Variants in ZNF385B observed in about 807,000 individuals in gnomAD.
ZNF385B encodes zinc finger protein 533.
A neutral mutation model predicts 39.2 loss-of-function variants in ZNF385B; 23 were observed. That is an observed-to-expected ratio of 0.59 (90% CI 0.42 to 0.83). The LOEUF is 0.83. Among genes scored for constraint, ZNF385B ranks in the 40% least tolerant of loss-of-function variants. ZNF385B has a pLI of 0.00. For missense variants in ZNF385B, 552 were observed against 598.9 expected (o/e 0.92, Z 0.82); for synonymous variants, 205 against 222.6 (o/e 0.92, Z 0.70).
At chr2:179,743,908 A>C (rs901815945) in intron 3 of ZNF385B, among the ~76,000 whole-genome samples, 3 of 152,066 alleles carry the variant, frequency 2.0e-5, no homozygotes, top group Non-Finnish European at 4.4e-5. Context: ...TCATTATTTA[A>C]CTCGCCGTAC....
At chr2:179,606,582 T>A (rs990103385) in intron 3 of ZNF385B, among the ~76,000 whole-genome samples, 1 of 152,158 alleles carries the variant, frequency 6.6e-6, no homozygotes, top group African/African-American at 2.4e-5. Context: ...TTACTATCTA[T>A]GAACATGCAC....
intron 3 of ZNF385B, among the ~76,000 whole-genome samples, chr2:179,634,683 C>T (rs1218794085): frequency 1.3e-5 from 2 of 152,080 alleles, no homozygotes; most frequent in African/African-American, 2.4e-5. Flanking sequence ...TACCATTTGA[C>T]CCAGCAATCC....
At chr2:179,510,494 A>G (rs900652259) in intron 5 of ZNF385B, among the ~76,000 whole-genome samples, 1 of 152,166 alleles carries the variant, frequency 6.6e-6, no homozygotes, top group Non-Finnish European at 1.5e-5. Flanking sequence ...CCATTAGGGT[A>G]AACTACCATC....
At chr2:179,472,080 G>A (rs1199116150) in intron 6 of ZNF385B, among the ~76,000 whole-genome samples, 1 of 152,134 alleles carries the variant, frequency 6.6e-6, no homozygotes, top group African/African-American at 2.4e-5. Flanking sequence ...TCCGGGAAGA[G>A]GAATTAACTG....
chr2:179,568,494 G>A (rs1254840115), intron 3 of ZNF385B, among the ~76,000 whole-genome samples: 1 of 152,184 alleles, frequency 6.6e-6, no homozygotes, highest in Non-Finnish European at 1.5e-5. Context: ...ATTTTCAAAT[G>A]TGAAAATACA....
intron 3 of ZNF385B, among the ~76,000 whole-genome samples, chr2:179,603,119 A>G (rs1382223172): frequency 6.6e-6 from 1 of 152,218 alleles, no homozygotes; most frequent in Admixed American, 6.5e-5. Context: ...CAGGACAGAA[A>G]AGAGGAGGAA....
chr2:179,573,312 A>G (rs554962548), intron 3 of ZNF385B, among the ~76,000 whole-genome samples: 2 of 152,254 alleles, frequency 1.3e-5, no homozygotes, highest in South Asian at 4.1e-4. Context: ...TGGAAGAAAA[A>G]TTTTAAGCAA....
intron 6 of ZNF385B, among the ~76,000 whole-genome samples, chr2:179,474,088 A>G (rs2053141255): frequency 6.6e-6 from 1 of 151,340 alleles, no homozygotes; most frequent in Admixed American, 6.6e-5. Flanking sequence ...GCTTTATATA[A>G]GGCCTCTCAC....
At chr2:179,815,153 G>A (rs1392047624) in intron 1 of ZNF385B, among the ~76,000 whole-genome samples, 1 of 152,156 alleles carries the variant, frequency 6.6e-6, no homozygotes, top group African/African-American at 2.4e-5. Context: ...AATAGAGAGA[G>A]GAAGAGGACA....
intron 1 of ZNF385B, among the ~76,000 whole-genome samples, chr2:179,797,876 C>T (rs534567941): frequency 9.2e-5 from 14 of 152,166 alleles, no homozygotes; most frequent in East Asian, 5.8e-4. Flanking sequence ...TGTTATTGTG[C>T]GATAGTAATA....
chr2:179,692,382 C>T (rs1698422204), intron 3 of ZNF385B, among the ~76,000 whole-genome samples: 1 of 152,200 alleles, frequency 6.6e-6, no homozygotes, highest in Non-Finnish European at 1.5e-5. Context: ...GATCTTGTCA[C>T]CACATGTATC....
At chr2:179,755,923 C>T (rs969803009) in intron 3 of ZNF385B, among the ~76,000 whole-genome samples, 5 of 152,102 alleles carry the variant, frequency 3.3e-5, no homozygotes, top group Admixed American at 3.3e-4. Context: ...GAGCATTTAG[C>T]CCATTTACAT....
chr2:179,713,390 C>T (rs1482870468), intron 3 of ZNF385B, among the ~76,000 whole-genome samples: 1 of 152,172 alleles, frequency 6.6e-6, no homozygotes, highest in African/African-American at 2.4e-5. Flanking sequence ...CATCATCACA[C>T]TTTCTCCTTC....
intron 4 of ZNF385B, among the ~76,000 whole-genome samples, chr2:179,538,476 T>C (rs952497928): frequency 6.6e-6 from 1 of 151,174 alleles, no homozygotes; most frequent in Non-Finnish European, 1.5e-5. Flanking sequence ...TTAGAAACTC[T>C]CTGATGAATA....
intron 1 of ZNF385B, among the ~76,000 whole-genome samples, chr2:179,774,010 A>C (rs1450417959): frequency 6.6e-6 from 1 of 151,762 alleles, no homozygotes; most frequent in Non-Finnish European, 1.5e-5. Context: ...GTGTGTGTAT[A>C]TGTGCTTTAT....
intron 3 of ZNF385B, among the ~76,000 whole-genome samples, chr2:179,661,764 C>G (rs1694502235): frequency 6.6e-6 from 1 of 152,154 alleles, no homozygotes; most frequent in South Asian, 2.1e-4. Context: ...TAATAACTAC[C>G]CACAAGGAAG....
chr2:179,576,592 G>C (rs1208816195), intron 3 of ZNF385B, among the ~76,000 whole-genome samples: 23 of 152,230 alleles, frequency 1.5e-4, no homozygotes. Context: ...CCACATCACC[G>C]TAGTTACTGC....
intron 3 of ZNF385B, among the ~76,000 whole-genome samples, chr2:179,701,996 C>T (rs1197523109): frequency 6.6e-6 from 1 of 152,134 alleles, no homozygotes; most frequent in Non-Finnish European, 1.5e-5. Context: ...GACAAATACC[C>T]GTTGTATCTA....
chr2:179,534,325 TATTA>T (rs924841307), intron 4 of ZNF385B, among the ~76,000 whole-genome samples: 3 of 152,158 alleles, frequency 2.0e-5, no homozygotes, highest in African/African-American at 7.2e-5. Context: ...GGGATAGAAA[TATTA>T]ATTAAACTAT....
Sources: allele counts gnomAD v4.1 joint callset (sites outside exome capture counted in the v4.1 genomes callset), GRCh38; gene constraint gnomAD v4.1.1; transcripts MANE v1.5; gene names NCBI Gene and HGNC (gene_info 2026-07-23, HGNC 2026-07-21).